Variants in TMEM254 observed in about 807,000 individuals in gnomAD.
TMEM254 encodes the protein transmembrane protein C10orf57.
A neutral mutation model predicts 13.9 loss-of-function variants in TMEM254; 16 were observed. The ratio of observed to expected loss-of-function variants is 1.15; its 90% CI spans 0.78 to 1.75. The LOEUF is 1.75. Ranked by LOEUF, TMEM254 falls within the 40% of genes most tolerant of loss-of-function variation. The pLI is 0.00. For synonymous variants in TMEM254, 61 were observed against 56.4 expected, an observed-to-expected ratio of 1.08 and a Z score of -0.36; for missense variants, 155 against 149.0, an observed-to-expected ratio of 1.04 and a Z score of -0.21.
intron 1 of TMEM254, among the ~76,000 whole-genome samples, chr10:80,080,518 A>G (rs1843942578): frequency 6.6e-6 from 1 of 152,242 alleles, no homozygotes; most frequent in South Asian, 2.1e-4. Flanking sequence ...GGGAAAGCCG[A>G]GAAAGGAATT....
intron 3 of TMEM254, chr10:80,086,447 A>G: frequency 2.8e-6 from 1 of 360,394 alleles, no homozygotes; most frequent in Non-Finnish European, 5.1e-6. Context: ...GATCATATAA[A>G]TTTACTTTCC....
intron 3 of TMEM254, among the ~76,000 whole-genome samples, chr10:80,083,743 G>A (rs1459201234): frequency 6.6e-6 from 1 of 152,042 alleles, no homozygotes; most frequent in African/African-American, 2.4e-5. Flanking sequence ...GGTCCCTTGG[G>A]ATAGTGGGAA....
intron 3 of TMEM254, 107 bp from the exon 4 acceptor site, chr10:80,090,690 A>G (rs1240947317): frequency 1.9e-6 from 2 of 1,031,670 alleles, no homozygotes; most frequent in Non-Finnish European, 2.8e-6. Flanking sequence ...AAACCCAATG[A>G]AAGTAGTGGA....
At chr10:80,079,376 C>A in intron 1 of TMEM254, 2 of 1,154,052 alleles carry the variant, frequency 1.7e-6, no homozygotes, top group Non-Finnish European at 2.2e-6. Flanking sequence ...TGGGTCCTCA[C>A]CTCTGCATGG....
rs112881328 is a variant in TMEM254 at position 80,083,171 on chromosome 10, A to G, written c.251+967A>G. 4.6e-3 allele frequency among the ~76,000 whole-genome samples: 688 copies of G among 148,492 alleles called. 9 individuals are homozygous for G. Among genetic ancestry groups the G allele is most frequent in the African/African-American group, 0.016 (648 of 40,214 alleles). The stretch of plus-strand genomic sequence containing the variant: ...ACCCAGGCTGGAGTGCAGTGGCGCA[A>G]TCTTGGCTCCCTGCAATCTCTACGT... On this transcript the variant is annotated intron_variant, in intron 3 of 3. Coordinates refer to ENST00000372281, the MANE Select transcript of TMEM254 (RefSeq NM_025125.4).
intron 1 of TMEM254, among the ~76,000 whole-genome samples, chr10:80,080,525 A>T (rs896463922): frequency 6.6e-6 from 1 of 152,230 alleles, no homozygotes. Flanking sequence ...CCGAGAAAGG[A>T]ATTCTAAATT....
chr10:80,090,978 A>G lies in TMEM254; in HGVS notation c.*61A>G. The G allele has an allele frequency of 1.3e-6, 2 of 1,585,618 alleles. No individual in the cohort carries two copies. Among genetic ancestry groups the G allele is most frequent in the Non-Finnish European group, 1.7e-6 (2 of 1,167,790 alleles). ...ATCCTCACCCTTTTTTTTGTGGGGT[A>G]GAGGAGGTGCAGTAATTTACTCAGT... On this transcript the variant is annotated 3_prime_UTR_variant, in exon 4 of 4. Transcript: ENST00000372281.
intron 1 of TMEM254, chr10:80,079,725 T>A (rs1843871802): frequency 6.1e-6 from 6 of 985,038 alleles, no homozygotes; most frequent in Non-Finnish European, 7.2e-6. Context: ...AGTTTTGTGT[T>A]TTTTTGAGAC....
chr10:80,078,733 C>T lies in TMEM254; in HGVS notation c.34C>T (p.Arg12Ter). ...GGCAGCCGGCGCGACCTACTTTCAG[C>T]GAGGCAGTCTGTTCTGGTTCACAGT... is the stretch of plus-strand genomic sequence containing the variant. ...ATAAGATYFQ[R>*]GSLFWFTVIT... Residue 12 changes from arginine (R) to a stop codon, truncating the protein, a stop_gained, in exon 1 of 4, where the codon CGA (arginine) becomes TGA (stop). Coordinates refer to ENST00000372281, the MANE Select transcript of TMEM254 (RefSeq NM_025125.4). LOFTEE classifies it high-confidence loss of function. 6.2e-7 allele frequency: 1 copy of T among 1,608,104 alleles called. No homozygotes were observed. The highest frequency in any genetic ancestry group is 8.5e-7 in the Non-Finnish European group (1 of 1,177,974).
chr10:80,091,212 G>A lies in TMEM254; in HGVS notation c.*295G>A. Reference sequence around the variant, plus strand: ...TTTGGCTGTGTTGGTACCCTCGTGTGCTCTGAGCTAAGCCACATACTAAAC... The same window carrying A: ...TTTGGCTGTGTTGGTACCCTCGTGTACTCTGAGCTAAGCCACATACTAAAC... On this transcript the variant is annotated 3_prime_UTR_variant, in exon 4 of 4. Transcript: ENST00000372281. The A allele has an allele frequency of 1.2e-5, 3 of 247,708 alleles. No homozygotes were observed. In the South Asian group the frequency reaches 2.4e-4, roughly 20 times the overall value. The allele number at this position is 247,708 out of a possible 1,614,324, so 15.3% of individuals were successfully genotyped here. A position where few individuals can be genotyped will look rare whatever the true frequency, so the allele number is the denominator to read the frequency against.
chr10:80,078,927 G>C, intron 1 of TMEM254, 141 bp downstream of exon 1: 1 of 1,525,880 alleles, frequency 6.6e-7, no homozygotes, highest in Non-Finnish European at 8.9e-7. Flanking sequence ...GCGGAGGGGA[G>C]GGGACCAGAC....
chr10:80,086,523 ATGT>A (rs1844320937), intron 3 of TMEM254: 1 of 234,310 alleles, frequency 4.3e-6, no homozygotes, highest in Non-Finnish European at 8.5e-6. Flanking sequence ...AAAGTTAATA[ATGT>A]TGTGCTAAAA....
At chr10:80,082,006 A>G in intron 2 of TMEM254, 62 bp downstream of exon 2, 1 of 1,583,342 alleles carries the variant, frequency 6.3e-7, no homozygotes. Flanking sequence ...GGAAACCTGG[A>G]AGGCCTGCAG....
At chr10:80,082,819 G>A (rs1206629065) in intron 3 of TMEM254, among the ~76,000 whole-genome samples, 1 of 152,160 alleles carries the variant, frequency 6.6e-6, no homozygotes, top group Non-Finnish European at 1.5e-5. Context: ...AGCATATACA[G>A]AAAGTATGGT....
chr10:80,085,732 T>G (rs1844283331), intron 3 of TMEM254, among the ~76,000 whole-genome samples: 1 of 152,196 alleles, frequency 6.6e-6, no homozygotes, highest in Admixed American at 6.5e-5. Flanking sequence ...GCTGTAATTC[T>G]TGTTACATAA....
chr10:80,081,848 T>C lies in TMEM254; in HGVS notation c.95T>C (p.Val32Ala). ...TCTCTGCTTCTCTTTCAGTGGGTTG[T>C]CTTCTGGCCTCAGAGTATCCCTTAT... is the stretch of plus-strand genomic sequence containing the variant. The part of the protein sequence containing the change: ...TLSFGYYTWV[V>A]FWPQSIPYQN... The change falls in exon 2 of 4, where the codon GTC becomes GCC. Residue 32 changes from valine (V) to alanine (A), a missense_variant. Coordinates refer to ENST00000372281, the MANE Select transcript of TMEM254 (RefSeq NM_025125.4). The C allele has an allele frequency of 6.2e-7, 1 of 1,614,222 alleles. No individual in the cohort carries two copies. Among genetic ancestry groups the C allele is most frequent in the Middle Eastern group, 1.6e-4 (1 of 6,062 alleles).
In TMEM254 at chr10:80,090,835, G is replaced by A. The variant is rs775727797; in HGVS notation, c.290G>A (p.Trp97Ter). 6.2e-7 allele frequency: 1 copy of A among 1,614,092 alleles called. No individual in the cohort carries two copies. The highest frequency in any genetic ancestry group is 2.2e-5 in the East Asian group (1 of 44,872). The change falls in exon 4 of 4, where the codon TGG becomes TAG. Residue 97 changes from tryptophan to a stop codon, truncating the protein, a stop_gained. Transcript: ENST00000372281. LOFTEE classifies it high-confidence loss of function. The stretch of plus-strand genomic sequence containing the variant: ...ACAAGTGGTCGGGCTCAGCTACTCT[G>A]GTTCCTACAGACTTTCTTCTTTGGG... ...GITSGRAQLL[W>*]FLQTFFFGIA... is the part of the protein sequence containing the mutation.
Position 80,081,894 on chromosome 10 carries a change from C to T in TMEM254, c.141C>T (p.Gly47=), listed in dbSNP as rs748566388. The change falls in exon 2 of 4, where the codon GGC becomes GGT. Residue 47 remains glycine (G), a synonymous_variant. Coordinates refer to ENST00000372281, the MANE Select transcript of TMEM254 (RefSeq NM_025125.4). ...SIPYQNLGPL[G]PFTQYLVDHH... ...CTTATCAGAACCTTGGGCCCCTGGG[C>T]CCCTTCACTCAGTACTTGGTGGACC... is the stretch of plus-strand genomic sequence containing the variant. The T allele has an allele frequency of 6.2e-7, 1 of 1,614,198 alleles. No individual in the cohort carries two copies. Among genetic ancestry groups the T allele is most frequent in the South Asian group, 1.1e-5 (1 of 91,084 alleles).
intron 3 of TMEM254, among the ~76,000 whole-genome samples, chr10:80,088,987 C>T (rs1290218702): frequency 6.8e-6 from 1 of 147,944 alleles, no homozygotes; most frequent in Non-Finnish European, 1.5e-5. Flanking sequence ...TCTTGGCTCC[C>T]TTTGTTTCAT....
Sources: allele counts gnomAD v4.1 joint callset (sites outside exome capture counted in the v4.1 genomes callset), GRCh38; gene constraint gnomAD v4.1.1; transcripts MANE v1.5; gene names NCBI Gene and HGNC (gene_info 2026-07-23, HGNC 2026-07-21).